The following TMEM117 variants were observed in gnomAD, a reference collection of about 807,000 sequenced individuals.
The protein encoded by TMEM117 is transmembrane protein 117.
Under a neutral mutation model 52.4 loss-of-function variants are expected in TMEM117, and 27 were observed. The ratio of observed to expected loss-of-function variants is 0.51; its 90% CI spans 0.38 to 0.71. The LOEUF is 0.71. Among genes scored for constraint, TMEM117 ranks in the 30% least tolerant of loss-of-function variants. The pLI, the probability that TMEM117 is intolerant of heterozygous loss-of-function variation, is 0.00. For missense variants in TMEM117, 556 were observed against 630.5 expected (o/e 0.88, Z 1.26); for synonymous variants, 215 against 206.3 (o/e 1.04, Z -0.36).
At chr12:44,309,791 AAC>A (rs1167702054) in intron 6 of TMEM117, among the ~76,000 whole-genome samples, 1 of 151,704 alleles carries the variant, frequency 6.6e-6, no homozygotes, top group African/African-American at 2.4e-5. Flanking sequence ...AAAAAAAAAA[AAC>A]AGATCTGTCT....
At chr12:44,143,770 G>T in intron 4 of TMEM117, 146 bp downstream of exon 4, 1 of 602,926 alleles carries the variant, frequency 1.7e-6, no homozygotes, top group East Asian at 2.9e-5. Flanking sequence ...TAATTCCAGA[G>T]ATTATATCCA....
intron 4 of TMEM117, among the ~76,000 whole-genome samples, chr12:44,187,335 A>T (rs1309110343): frequency 6.6e-6 from 1 of 152,140 alleles, no homozygotes; most frequent in Non-Finnish European, 1.5e-5. Flanking sequence ...CTCTATTTTT[A>T]AAAAATATAC....
At chr12:44,080,846 G>T (rs1350091208) in intron 3 of TMEM117, among the ~76,000 whole-genome samples, 4 of 152,114 alleles carry the variant, frequency 2.6e-5, no homozygotes, top group African/African-American at 9.7e-5. Flanking sequence ...CTACTTTTGT[G>T]CTTCCATGGC....
In TMEM117 at chr12:43,848,578, C is replaced by T. The variant is rs548174078; in HGVS notation, c.277+3650C>T. ...CAGTCAGACCTTATGGTTGTCTTCCCTTGTTCCATAAAAATCACTATTATT... is the reference window on the plus strand; with the variant it reads ...CAGTCAGACCTTATGGTTGTCTTCCTTTGTTCCATAAAAATCACTATTATT... On this transcript the variant is annotated intron_variant, in intron 2 of 7. Coordinates refer to ENST00000266534, the MANE Select transcript of TMEM117 (RefSeq NM_032256.3). 1.5e-3 allele frequency among the ~76,000 whole-genome samples: 234 copies of T among 152,226 alleles called. 1 individual carries two copies. The highest frequency in any genetic ancestry group is 5.5e-3 in the African/African-American group (230 of 41,532).
intron 2 of TMEM117, among the ~76,000 whole-genome samples, chr12:43,869,142 TAAG>T (rs1458760973): frequency 1.1e-4 from 16 of 152,246 alleles, no homozygotes; most frequent in African/African-American, 1.7e-4. Flanking sequence ...AAAACTGACA[TAAG>T]AAGAAATAAT....
At chr12:43,906,730 TGACA>T (rs1944395958) in intron 2 of TMEM117, among the ~76,000 whole-genome samples, 1 of 152,170 alleles carries the variant, frequency 6.6e-6, no homozygotes, top group Non-Finnish European at 1.5e-5. Flanking sequence ...AAGAAAGTGG[TGACA>T]GACAGCACCT....
intron 6 of TMEM117, among the ~76,000 whole-genome samples, chr12:44,365,288 CA>C (rs1951775143): frequency 6.6e-6 from 1 of 151,712 alleles, no homozygotes. Flanking sequence ...CTCCAGGTAG[CA>C]AAAAATCCTA....
At chr12:43,912,507 T>TTTTATATATATATATATATATATATATA (rs1209075111) in intron 2 of TMEM117, among the ~76,000 whole-genome samples, 2 of 132,100 alleles carry the variant, frequency 1.5e-5, no homozygotes, top group East Asian at 4.1e-4. Flanking sequence ...TAATAATAAT[T>TTTTATATATATATATATATATATATATA]TATATATATA....
intron 3 of TMEM117, among the ~76,000 whole-genome samples, chr12:43,982,388 G>A (rs748833974): frequency 6.0e-4 from 92 of 152,174 alleles, no homozygotes; most frequent in Non-Finnish European, 3.5e-4. Context: ...AAAGGGAGAT[G>A]TCTGGTAGGC....
At chr12:44,009,292 T>A in intron 3 of TMEM117, 1 of 271,592 alleles carries the variant, frequency 3.7e-6, no homozygotes, top group South Asian at 4.0e-5. Context: ...TACAGGATGA[T>A]CATTTCCAGT....
intron 2 of TMEM117, among the ~76,000 whole-genome samples, chr12:43,922,643 A>C (rs1206253688): frequency 6.6e-6 from 1 of 152,190 alleles, no homozygotes; most frequent in Admixed American, 6.5e-5. Flanking sequence ...CTAACTTTAC[A>C]CTTGATTAAG....
At chr12:43,892,097 A>G (rs1040759837) in intron 2 of TMEM117, among the ~76,000 whole-genome samples, 1 of 152,154 alleles carries the variant, frequency 6.6e-6, no homozygotes, top group Middle Eastern at 3.2e-3. Flanking sequence ...TTAATGACTC[A>G]TGAGGAGAAT....
intron 5 of TMEM117, among the ~76,000 whole-genome samples, chr12:44,219,739 A>G (rs1307623286): frequency 6.6e-6 from 1 of 152,174 alleles, no homozygotes; most frequent in Non-Finnish European, 1.5e-5. Context: ...AAGATACTAC[A>G]CATTATAGCT....
At chr12:44,160,316 A>G (rs1948882161) in intron 4 of TMEM117, among the ~76,000 whole-genome samples, 1 of 152,158 alleles carries the variant, frequency 6.6e-6, no homozygotes, top group Non-Finnish European at 1.5e-5. Context: ...TAACTCACAG[A>G]AAAGTTAATA....
chr12:43,865,172 C>A (rs1201277586), intron 2 of TMEM117, among the ~76,000 whole-genome samples: 1 of 152,114 alleles, frequency 6.6e-6, no homozygotes, highest in Non-Finnish European at 1.5e-5. Context: ...TCAGTGAGAC[C>A]AAGAACCCAC....
At chr12:43,835,478 A>ATG (rs1491206422), upstream of TMEM117, among the ~76,000 whole-genome samples, 13 of 149,576 alleles carry the variant, frequency 8.7e-5, no homozygotes, top group African/African-American at 3.3e-4. Flanking sequence ...GTATGTGTGC[A>ATG]TATGTGTGTG....
chr12:44,072,744 T>C (rs1947321468), intron 3 of TMEM117, among the ~76,000 whole-genome samples: 2 of 152,230 alleles, frequency 1.3e-5, no homozygotes, highest in Admixed American at 6.5e-5. Flanking sequence ...TTGTTAGATA[T>C]GTGTCAAGGA....
intron 3 of TMEM117, among the ~76,000 whole-genome samples, chr12:44,082,952 A>T (rs1947506383): frequency 6.6e-6 from 1 of 152,076 alleles, no homozygotes; most frequent in Non-Finnish European, 1.5e-5. Flanking sequence ...GATGTTGCTT[A>T]TCTTTGAACT....
At chr12:44,339,773 G>C (rs1043579658) in intron 6 of TMEM117, among the ~76,000 whole-genome samples, 7 of 151,706 alleles carry the variant, frequency 4.6e-5, no homozygotes, top group Admixed American at 4.6e-4. Flanking sequence ...AAAGTACTTT[G>C]CTTTGAATTG....
Sources: gnomAD v4.1 joint callset for allele counts (sites outside exome capture counted in the v4.1 genomes callset) on GRCh38, gnomAD v4.1.1 for gene constraint, MANE v1.5 for transcripts, NCBI Gene and HGNC (gene_info 2026-07-23, HGNC 2026-07-21) for gene names.